The following NAB1 variants were observed in gnomAD, a reference collection of about 807,000 sequenced individuals.
The protein encoded by NAB1 is NGFI-A-binding protein 1.
Under a neutral mutation model 49.9 loss-of-function variants are expected in NAB1, and 25 were observed. That is an observed-to-expected ratio of 0.50 (90% CI 0.37 to 0.70). The LOEUF (loss-of-function observed/expected upper bound fraction) is 0.70, where lower values mean the gene tolerates loss of function less well. NAB1 is among the 30% of genes least tolerant of loss of function. The pLI, the probability that NAB1 is intolerant of heterozygous loss-of-function variation, is 0.00. For missense variants in NAB1, 489 were observed against 575.9 expected, an observed-to-expected ratio of 0.85 and a Z score of 1.54; for synonymous variants, 198 against 215.6, an observed-to-expected ratio of 0.92 and a Z score of 0.71.
chr2:190,665,126 A>G (rs1694445662), intron 4 of NAB1, among the ~76,000 whole-genome samples: 1 of 151,966 alleles, frequency 6.6e-6, no homozygotes, highest in Non-Finnish European at 1.5e-5. Context: ...ATTAAATTCT[A>G]TAATGTTAGT....
rs1574488270 is a variant in NAB1 at position 190,689,287 on chromosome 2, C to T, written c.1376-958C>T. On this transcript the variant is annotated intron_variant, in intron 9 of 9. Transcript: ENST00000337386. The surrounding 1 kb of genome is among the most constrained non-coding windows in gnomAD (Gnocchi z 4.3). The stretch of plus-strand genomic sequence containing the variant: ...ATTGGTAAAAGAGAAGTAATTTCTA[C>T]CTCGTAGGGTAGTTAGGAGGATTAA... Among the ~76,000 whole-genome samples, 1 of 152,250 alleles carries T rather than the reference C, an allele frequency of 6.6e-6. No individual in the cohort carries two copies. The highest frequency in any genetic ancestry group is 1.5e-5 in the Non-Finnish European group (1 of 68,020).
chr2:190,674,593 T>TA lies in NAB1; in HGVS notation c.1005+1442dup, dbSNP rs1237537772. Among the ~76,000 whole-genome samples the TA allele has an allele frequency of 6.6e-6, 1 of 152,242 alleles. No individual in the cohort carries two copies. The highest frequency in any genetic ancestry group is 1.5e-5 in the Non-Finnish European group (1 of 68,040). On this transcript the variant is annotated intron_variant, in intron 6 of 9. Transcript: ENST00000337386. This position sits in a 1 kb window ranked among gnomAD's most constrained non-coding sequence, Gnocchi z 5.7. ...ATCTGTGAATCTGCTGCTGTATACT[T>TA]AGAGTTTGTAACAGCCTTGCACCTA...
intron 6 of NAB1, 139 bp downstream of exon 6, chr2:190,673,291 T>C (rs1694910504): frequency 1.3e-6 from 1 of 769,888 alleles, no homozygotes; most frequent in Non-Finnish European, 2.2e-6. Context: ...CTTTTAAAAA[T>C]ATAGAATTTT....
In NAB1 at chr2:190,669,763, G is replaced by C. The variant is rs532352721; in HGVS notation, c.820-563G>C. ...ATTTAATAATTACTGAATTATGAAA[G>C]GGTGGTAGAATTAGATGGATCTTAG... On this transcript the variant is annotated intron_variant, in intron 4 of 9. Transcript: ENST00000337386. This position sits in a 1 kb window ranked among gnomAD's most constrained non-coding sequence, Gnocchi z 4.3. Among the ~76,000 whole-genome samples, 125 of 152,292 alleles carry C rather than the reference G, an allele frequency of 8.2e-4. No homozygotes were observed. Among genetic ancestry groups the C allele is most frequent in the Non-Finnish European group, 8.1e-4 (55 of 68,022 alleles).
chr2:190,653,284 A>G (rs1180352571), intron 2 of NAB1, among the ~76,000 whole-genome samples: 3 of 152,108 alleles, frequency 2.0e-5, no homozygotes, highest in Admixed American at 1.3e-4. Context: ...TCCCATCTCA[A>G]TCTTTCATTA....
Position 190,649,649 on chromosome 2 carries a change from T to G in NAB1, c.-333-197T>G, listed in dbSNP as rs6434406. On this transcript the variant is annotated intron_variant, in intron 1 of 9. Transcript: ENST00000337386. This position sits in a 1 kb window ranked among gnomAD's most constrained non-coding sequence, Gnocchi z 6.1. The stretch of plus-strand genomic sequence containing the variant: ...GAAAGGTTGGGGTGCCGAGTCCGTT[T>G]TGCTAACGGGGCTGGGGGCGTCACA... The G allele has an allele frequency of 1.3e-5, 2 of 151,884 alleles. No homozygotes were observed. Among genetic ancestry groups the G allele is most frequent in the Non-Finnish European group, 1.5e-5 (1 of 68,044 alleles). The allele number at this position is 151,884 out of a possible 1,614,324, so 9.4% of individuals were successfully genotyped here.
chr2:190,665,184 G>A (rs10194854), intron 4 of NAB1, among the ~76,000 whole-genome samples: 34,404 of 151,818 alleles, frequency 0.23, 4,013 homozygotes, highest in Middle Eastern at 0.25. Flanking sequence ...TTAGCGGGGC[G>A]TGGTGGCGGG....
chr2:190,684,862 A>G lies in NAB1; in HGVS notation c.1096-614A>G, dbSNP rs1695526660. Among the ~76,000 whole-genome samples, 2 of 152,250 alleles carry G rather than the reference A, an allele frequency of 1.3e-5. No individual in the cohort carries two copies. Among genetic ancestry groups the G allele is most frequent in the South Asian group, 2.1e-4 (1 of 4,834 alleles). ...ATTTATATGTCAGTTGACTAATTGT[A>G]TATTTAAAATATGCCTTTTTATGAT... On this transcript the variant is annotated intron_variant, in intron 7 of 9. Coordinates refer to ENST00000337386, the MANE Select transcript of NAB1 (RefSeq NM_005966.4). This position sits in a 1 kb window ranked among gnomAD's most constrained non-coding sequence, Gnocchi z 4.6.
chr2:190,667,976 T>G lies in NAB1; in HGVS notation c.820-2350T>G, dbSNP rs1694609760. On this transcript the variant is annotated intron_variant, in intron 4 of 9. Transcript: ENST00000337386. The surrounding 1 kb of genome is among the most constrained non-coding windows in gnomAD (Gnocchi z 4.4). ...AAGAATTCCTGAAGTTCTAAGAACA[T>G]GAAACATTGTAATGAGTCAAAGATG... is the stretch of plus-strand genomic sequence containing the variant. Among the ~76,000 whole-genome samples the G allele has an allele frequency of 6.6e-6, 1 of 152,118 alleles. No individual in the cohort carries two copies. Among genetic ancestry groups the G allele is most frequent in the Non-Finnish European group, 1.5e-5 (1 of 67,960 alleles).
intron 6 of NAB1, 129 bp from the exon 7 acceptor site, chr2:190,683,609 A>G: frequency 1.6e-6 from 1 of 619,718 alleles, no homozygotes; most frequent in Non-Finnish European, 2.7e-6. Context: ...GAAATATTTT[A>G]TAACCATTAA....
At chr2:190,683,873 TA>T in intron 7 of NAB1, 46 bp downstream of exon 7, 1 of 1,419,670 alleles carries the variant, frequency 7.0e-7, no homozygotes, top group Non-Finnish European at 9.8e-7. Context: ...ATCTGAAGGT[TA>T]AAAAATAAAT....
At position 190,666,133 on chromosome 2, in the gene NAB1, A is replaced by G. The variant is rs1157246639; in HGVS notation, c.820-4193A>G. ...AGATGATCCCCTCCCTATTTTATTTAACATTTTTAGTTTTTTTTTTCTGAG... is the reference window on the plus strand; with the variant it reads ...AGATGATCCCCTCCCTATTTTATTTGACATTTTTAGTTTTTTTTTTCTGAG... On this transcript the variant is annotated intron_variant, in intron 4 of 9. Transcript: ENST00000337386. The surrounding 1 kb of genome is among the most constrained non-coding windows in gnomAD (Gnocchi z 5.6). Among the ~76,000 whole-genome samples the G allele has an allele frequency of 6.6e-6, 1 of 152,010 alleles. No individual in the cohort carries two copies. The highest frequency in any genetic ancestry group is 1.5e-5 in the Non-Finnish European group (1 of 67,988).
rs558029657 is a variant in NAB1, at chr2:190,675,545, T to A, written c.1005+2393T>A. On this transcript the variant is annotated intron_variant, in intron 6 of 9. Coordinates refer to ENST00000337386, the MANE Select transcript of NAB1 (RefSeq NM_005966.4). The surrounding 1 kb of genome is among the most constrained non-coding windows in gnomAD (Gnocchi z 5.2). ...GTTATAGTTCTATACGGTTAGTTTATTGGTTTACTGGAGGTCACAAAGCCA... is the reference window on the plus strand; with the variant it reads ...GTTATAGTTCTATACGGTTAGTTTAATGGTTTACTGGAGGTCACAAAGCCA... Among the ~76,000 whole-genome samples the A allele has an allele frequency of 1.3e-5, 2 of 152,346 alleles. No individual in the cohort carries two copies. Among genetic ancestry groups the A allele is most frequent in the East Asian group, 3.9e-4 (2 of 5,192 alleles).
In NAB1 at chr2:190,659,533, T is replaced by C. The variant is rs770211355; in HGVS notation, c.357T>C (p.Asn119=). The C allele has an allele frequency of 1.2e-6, 2 of 1,614,182 alleles. No individual in the cohort carries two copies. Among genetic ancestry groups the C allele is most frequent in the Admixed American group, 1.7e-5 (1 of 60,028 alleles). Reference sequence around the variant, plus strand: ...GCAGTAGTTATGAAAGGAGTAGCAATGCCCGGGAACCTCATTTAAAAATCC... The same window carrying C: ...GCAGTAGTTATGAAAGGAGTAGCAACGCCCGGGAACCTCATTTAAAAATCC... ...ISCSSYERSS[N]AREPHLKIPK... The change falls in exon 4 of 10, where the codon AAT becomes AAC. Residue 119 remains asparagine, a synonymous_variant. Coordinates refer to ENST00000337386, the MANE Select transcript of NAB1 (RefSeq NM_005966.4). This position sits in a 1 kb window ranked among gnomAD's most constrained non-coding sequence, Gnocchi z 6.2.
In NAB1 at chr2:190,659,498, G is replaced by A. The variant is rs771028623; in HGVS notation, c.322G>A (p.Gly108Arg). The change falls in exon 4 of 10, where the codon GGA becomes AGA. Residue 108 changes from glycine (G) to arginine (R), a missense_variant. Around this residue, in one of 4 missense-constraint regions of NAB1, gnomAD observed 204 missense variants for 220.9 expected, o/e 0.92. Coordinates refer to ENST00000337386, the MANE Select transcript of NAB1 (RefSeq NM_005966.4). The surrounding 1 kb of genome is among the most constrained non-coding windows in gnomAD (Gnocchi z 6.2). ...ACCAGAGGGATCACCAACATGGCTG[G>A]GAATATCCTGCAGTAGTTATGAAAG... ...KLPEGSPTWL[G>R]ISCSSYERSS... The A allele has an allele frequency of 6.2e-7, 1 of 1,614,162 alleles. No individual in the cohort carries two copies. The highest frequency in any genetic ancestry group is 1.7e-5 in the Admixed American group (1 of 60,020).
In NAB1 at chr2:190,663,156, G is replaced by A. The variant is rs767598957; in HGVS notation, c.819+3161G>A. On this transcript the variant is annotated intron_variant, in intron 4 of 9. Coordinates refer to ENST00000337386, the MANE Select transcript of NAB1 (RefSeq NM_005966.4). This position sits in a 1 kb window ranked among gnomAD's most constrained non-coding sequence, Gnocchi z 4.2. ...GAAATGCTGGACTTTTCCTTCTGAT[G>A]ATTTTTAAAAATGAATTATGGTAGT... 3.9e-5 allele frequency among the ~76,000 whole-genome samples: 6 copies of A among 152,142 alleles called. No individual in the cohort carries two copies. The highest frequency in any genetic ancestry group is 8.8e-5 in the Non-Finnish European group (6 of 68,018).
chr2:190,687,148 A>G, intron 8 of NAB1, 53 bp from the exon 9 acceptor site: 1 of 1,208,864 alleles, frequency 8.3e-7, no homozygotes. Context: ...ATTTTTAAGA[A>G]AAACCATGGT....
chr2:190,689,822 A>G lies in NAB1; in HGVS notation c.1376-423A>G. On this transcript the variant is annotated intron_variant, in intron 9 of 9. Coordinates refer to ENST00000337386, the MANE Select transcript of NAB1 (RefSeq NM_005966.4). The surrounding 1 kb of genome is among the most constrained non-coding windows in gnomAD (Gnocchi z 4.3). ...CAGTAACAGTTATTTATGAATAATCAGCTTCCTTTTATATATTTATCATGT... is the reference window on the plus strand; with the variant it reads ...CAGTAACAGTTATTTATGAATAATCGGCTTCCTTTTATATATTTATCATGT... 6.6e-6 allele frequency among the ~76,000 whole-genome samples: 1 copy of G among 152,000 alleles called. No individual in the cohort carries two copies.
chr2:190,650,089 G>C (rs1410492025), intron 2 of NAB1, 107 bp downstream of exon 2: 1 of 152,212 alleles, frequency 6.6e-6, no homozygotes, highest in Non-Finnish European at 1.5e-5. Context: ...TGACACTTCT[G>C]TTAAGCCTGA....
Sources: gnomAD v4.1 joint callset for allele counts (sites outside exome capture counted in the v4.1 genomes callset) on GRCh38, gnomAD v4.1.1 for gene constraint, gnomAD v4.1.1 regional missense constraint, Gnocchi (gnomAD v3.1) non-coding constraint, MANE v1.5 for transcripts, NCBI Gene and HGNC (gene_info 2026-07-23, HGNC 2026-07-21) for gene names.